The following WWOX variants were observed in gnomAD, a reference collection of about 807,000 sequenced individuals.
The protein encoded by WWOX is WW domain containing oxidoreductase, also known as WW domain-containing oxidoreductase.
A neutral mutation model predicts 46.2 loss-of-function variants in WWOX; 69 were observed. That is an observed-to-expected ratio of 1.49 (90% CI 1.23 to 1.82). The LOEUF (loss-of-function observed/expected upper bound fraction) is 1.82, where lower values mean the gene tolerates loss of function less well. Ranked by LOEUF, WWOX falls within the 40% of genes most tolerant of loss-of-function variation. The pLI, the probability that WWOX is intolerant of heterozygous loss-of-function variation, is 0.00. For synonymous variants in WWOX, 359 were observed against 202.6 expected (o/e 1.77, Z -6.56); for missense variants, 919 against 542.6 (o/e 1.69, Z -6.89).
intron 8 of WWOX, among the ~76,000 whole-genome samples, chr16:78,739,045 C>G (rs1457909640): frequency 6.6e-6 from 1 of 152,116 alleles, no homozygotes; most frequent in Admixed American, 6.5e-5. Flanking sequence ...GGATAGACTT[C>G]CTCTGCCACC....
intron 8 of WWOX, among the ~76,000 whole-genome samples, chr16:78,785,164 GCTGT>G (rs1227445022): frequency 2.6e-5 from 4 of 152,178 alleles, no homozygotes; most frequent in Admixed American, 6.5e-5. Context: ...AGTGTGACTG[GCTGT>G]CTAAGAATTA....
intron 8 of WWOX, among the ~76,000 whole-genome samples, chr16:79,023,140 G>T (rs530253685): frequency 6.6e-6 from 1 of 152,168 alleles, no homozygotes; most frequent in East Asian, 1.9e-4. Flanking sequence ...TGTGACCCGG[G>T]GGCTCTGTCA....
chr16:79,211,817 GCA>G lies in WWOX; in HGVS notation c.*29_*30del, dbSNP rs780325056. ...GCTAAGTGGAGCTCAGAGCGGATGG[GCA>G]CACACACCCGCCCTGTGTGTGTCCC... On this transcript the variant is annotated 3_prime_UTR_variant, in exon 9 of 9. Coordinates refer to ENST00000566780, the MANE Select transcript of WWOX (RefSeq NM_016373.4). 1.2e-6 allele frequency: 2 copies of G among 1,613,634 alleles called. No homozygotes were observed. The highest frequency in any genetic ancestry group is 2.2e-5 in the East Asian group (1 of 44,856).
chr16:79,000,412 C>T (rs2047070580), intron 8 of WWOX, among the ~76,000 whole-genome samples: 1 of 152,132 alleles, frequency 6.6e-6, no homozygotes, highest in Admixed American at 6.5e-5. Context: ...CACTCATCTT[C>T]AGATTGAAAG....
At chr16:78,359,447 C>T (rs374260319) in intron 5 of WWOX, among the ~76,000 whole-genome samples, 1 of 152,094 alleles carries the variant, frequency 6.6e-6, no homozygotes, top group African/African-American at 2.4e-5. Flanking sequence ...GTAAGGAGCA[C>T]ATTTAGAAAA....
intron 8 of WWOX, among the ~76,000 whole-genome samples, chr16:78,936,702 G>T (rs1158684060): frequency 6.6e-6 from 1 of 151,776 alleles, no homozygotes; most frequent in African/African-American, 2.4e-5. Flanking sequence ...AGAGATTTCT[G>T]ACAACAGCTC....
chr16:78,742,751 G>A (rs939552230), intron 8 of WWOX, among the ~76,000 whole-genome samples: 9 of 152,128 alleles, frequency 5.9e-5, no homozygotes, highest in African/African-American at 2.2e-4. Flanking sequence ...TTGGTTTATC[G>A]TGTGAGTTTC....
intron 5 of WWOX, among the ~76,000 whole-genome samples, chr16:78,229,111 T>G: frequency 1.3e-5 from 2 of 152,294 alleles, no homozygotes; most frequent in Middle Eastern, 3.4e-3. Flanking sequence ...TTCCAGCATG[T>G]GATCATACAT....
intron 8 of WWOX, among the ~76,000 whole-genome samples, chr16:79,050,083 C>G (rs886966356): frequency 5.9e-5 from 9 of 152,104 alleles, no homozygotes; most frequent in African/African-American, 2.2e-4. Context: ...GAAGCATAGG[C>G]CAGTGACTTG....
chr16:78,386,796 A>C, intron 5 of WWOX, 64 bp from the exon 6 acceptor site: 1 of 1,413,252 alleles, frequency 7.1e-7, no homozygotes, highest in Non-Finnish European at 1.0e-6. Flanking sequence ...CATTTACTGT[A>C]ACTTGATACC....
At chr16:79,026,409 T>A (rs1383133935) in intron 8 of WWOX, among the ~76,000 whole-genome samples, 2 of 151,618 alleles carry the variant, frequency 1.3e-5, no homozygotes, top group African/African-American at 2.4e-5. Flanking sequence ...CTGGCCACGG[T>A]CACTTCCTTT....
chr16:78,724,338 T>A (rs1198323908), intron 8 of WWOX, among the ~76,000 whole-genome samples: 1 of 152,106 alleles, frequency 6.6e-6, no homozygotes, highest in Non-Finnish European at 1.5e-5. Context: ...AAAGAGACAG[T>A]TTTCATTGAT....
chr16:79,142,817 G>C (rs2050115249), intron 8 of WWOX, among the ~76,000 whole-genome samples: 1 of 152,112 alleles, frequency 6.6e-6, no homozygotes, highest in African/African-American at 2.4e-5. Flanking sequence ...TCCTGCCTCA[G>C]TCTCCCAAGT....
chr16:78,381,335 A>T (rs2081953095), intron 5 of WWOX, among the ~76,000 whole-genome samples: 1 of 152,222 alleles, frequency 6.6e-6, no homozygotes, highest in African/African-American at 2.4e-5. Flanking sequence ...ATATATAAAG[A>T]ATAGATGAAG....
intron 8 of WWOX, among the ~76,000 whole-genome samples, chr16:78,814,219 A>G (rs1301282821): frequency 6.6e-6 from 1 of 152,182 alleles, no homozygotes; most frequent in Non-Finnish European, 1.5e-5. Context: ...ATTTTGGCAA[A>G]AATGTGCCTC....
At chr16:78,763,785 C>T (rs1185480126) in intron 8 of WWOX, among the ~76,000 whole-genome samples, 1 of 152,182 alleles carries the variant, frequency 6.6e-6, no homozygotes, top group African/African-American at 2.4e-5. Context: ...ATTTCTCCAG[C>T]ATTCAGTTAA....
chr16:78,260,850 T>C (rs958268216), intron 5 of WWOX, among the ~76,000 whole-genome samples: 1 of 143,376 alleles, frequency 7.0e-6, no homozygotes, highest in South Asian at 2.2e-4. Flanking sequence ...GGCAGGAGAA[T>C]CACTCGAACC....
At chr16:79,173,847 A>G (rs1183438957) in intron 8 of WWOX, among the ~76,000 whole-genome samples, 2 of 152,238 alleles carry the variant, frequency 1.3e-5, no homozygotes, top group African/African-American at 4.8e-5. Context: ...CTAGAACTAT[A>G]TTAAAAGAAA....
rs78383183 is a variant in WWOX at position 78,432,874 on chromosome 16, C to A, written c.1056+122C>A. On this transcript the variant is annotated intron_variant, in intron 8 of 8. Transcript: ENST00000566780. Reference sequence around the variant, plus strand: ...GGTCTCAGTAATAACATTGTCCAGCCCATCATAAAGGGCTCTTGAACACAT... The same window carrying A: ...GGTCTCAGTAATAACATTGTCCAGCACATCATAAAGGGCTCTTGAACACAT... 2.7e-6 allele frequency: 4 copies of A among 1,489,242 alleles called. No homozygotes were observed. In the African/African-American group the frequency reaches 4.2e-5, roughly 15 times the overall value. 92.3% of individuals were successfully genotyped at this position (1,489,242 alleles called of 1,614,324 possible).
Sources: gnomAD v4.1 joint callset for allele counts (sites outside exome capture counted in the v4.1 genomes callset) on GRCh38, gnomAD v4.1.1 for gene constraint, MANE v1.5 for transcripts, NCBI Gene and HGNC (gene_info 2026-07-23, HGNC 2026-07-21) for gene names.